Variants in GOLM2 observed in about 807,000 individuals in gnomAD.
GOLM2 encodes the protein golgi membrane protein 2, also known as protein GOLM2.
GOLM2 carries 26 observed loss-of-function variants against 55.9 expected under a neutral mutation model. That is an observed-to-expected ratio of 0.47 (90% CI 0.34 to 0.65). The LOEUF (loss-of-function observed/expected upper bound fraction) is 0.65, where lower values mean the gene tolerates loss of function less well. Ranked by LOEUF, GOLM2 falls within the 30% of genes least tolerant of loss-of-function variation. The pLI, the probability that GOLM2 is intolerant of heterozygous loss-of-function variation, is 0.01. For synonymous variants in GOLM2, 165 were observed against 194.6 expected (o/e 0.85, Z 1.27); for missense variants, 486 against 531.8 (o/e 0.91, Z 0.85).
chr15:44,362,836 A>G (rs2079251592), intron 6 of GOLM2, among the ~76,000 whole-genome samples: 1 of 152,234 alleles, frequency 6.6e-6, no homozygotes, highest in African/African-American at 2.4e-5. Context: ...TACTGATACC[A>G]AAACAGAGAT....
At chr15:44,409,194 G>T (rs528143645) in intron 9 of GOLM2, among the ~76,000 whole-genome samples, 12 of 151,160 alleles carry the variant, frequency 7.9e-5, no homozygotes, top group African/African-American at 1.9e-4. Context: ...TGAGGCAGGA[G>T]AATGGCGTGA....
chr15:44,315,963 A>G (rs2078906394), intron 1 of GOLM2, among the ~76,000 whole-genome samples: 1 of 152,222 alleles, frequency 6.6e-6, no homozygotes, highest in African/African-American at 2.4e-5. Context: ...ATGGGACATA[A>G]AAGTCTAGGG....
intron 6 of GOLM2, among the ~76,000 whole-genome samples, chr15:44,349,901 C>T (rs1014104326): frequency 1.3e-5 from 2 of 151,870 alleles, no homozygotes; most frequent in Non-Finnish European, 2.9e-5. Context: ...ACTAGTGGGT[C>T]GATGAAGAGA....
intron 6 of GOLM2, among the ~76,000 whole-genome samples, chr15:44,369,494 G>A (rs2079314861): frequency 6.6e-6 from 1 of 151,674 alleles, no homozygotes; most frequent in African/African-American, 2.4e-5. Context: ...ACAATAACTT[G>A]GTCTGTTTTG....
chr15:44,300,036 G>A (rs2078786368), intron 1 of GOLM2, among the ~76,000 whole-genome samples: 1 of 151,022 alleles, frequency 6.6e-6, no homozygotes, highest in African/African-American at 2.4e-5. Context: ...GGAGTTTGAA[G>A]CTGCAGGGAG....
At chr15:44,394,775 A>G (rs2079513689) in intron 8 of GOLM2, among the ~76,000 whole-genome samples, 1 of 152,212 alleles carries the variant, frequency 6.6e-6, no homozygotes, top group Non-Finnish European at 1.5e-5. Context: ...CCTTCAGGGT[A>G]CTTGAAATAG....
rs542962183 is a variant in GOLM2, at chr15:44,410,140, T to G, written c.1241-3196T>G. Among the ~76,000 whole-genome samples the G allele has an allele frequency of 6.0e-4, 91 of 151,836 alleles. 1 individual carries two copies. The Middle Eastern group carries it at 0.01, about 17-fold the overall frequency. On this transcript the variant is annotated intron_variant, in intron 9 of 9. Coordinates refer to ENST00000299957, the MANE Select transcript of GOLM2 (RefSeq NM_138423.4). Reference sequence around the variant, plus strand: ...GAGAGGTACCCGTGATTATTTTCCCTTTTAAAAACAAAGATAGGCTGGGCG... The same window carrying G: ...GAGAGGTACCCGTGATTATTTTCCCGTTTAAAAACAAAGATAGGCTGGGCG...
chr15:44,339,461 C>T (rs973261649), intron 6 of GOLM2, among the ~76,000 whole-genome samples: 5 of 152,032 alleles, frequency 3.3e-5, no homozygotes, highest in African/African-American at 1.2e-4. Flanking sequence ...GCCTCATCCT[C>T]CTGAGTAGCT....
At chr15:44,397,498 A>AAAAAC (rs1567043589) in intron 8 of GOLM2, among the ~76,000 whole-genome samples, 1 of 147,716 alleles carries the variant, frequency 6.8e-6, no homozygotes. Flanking sequence ...AAAAAAAAAA[A>AAAAAC]AAAACAAAAC....
chr15:44,413,195 T>G (rs929086445), intron 9 of GOLM2, 141 bp from the exon 10 acceptor site: 4 of 555,632 alleles, frequency 7.2e-6, no homozygotes, highest in African/African-American at 3.9e-5. Context: ...GCCAAGCAAC[T>G]AAGAAATAGA....
intron 6 of GOLM2, among the ~76,000 whole-genome samples, chr15:44,377,519 T>C (rs1348042670): frequency 6.6e-6 from 1 of 152,134 alleles, no homozygotes; most frequent in Non-Finnish European, 1.5e-5. Flanking sequence ...TACAGGCGTG[T>C]GCCACCACGC....
At chr15:44,319,176 T>G (rs1398702827) in intron 1 of GOLM2, among the ~76,000 whole-genome samples, 1 of 152,182 alleles carries the variant, frequency 6.6e-6, no homozygotes, top group African/African-American at 2.4e-5. Flanking sequence ...AGTAAGCTCC[T>G]TGAGTACATA....
Position 44,343,316 on chromosome 15 carries a change from GA to G in GOLM2, c.802+5014del, listed in dbSNP as rs200034292. ...CCTCTGCACTCCAACCTGGAAGACA[GA>G]AAAAAAAAAAAAAACCAACTTAGTT... On this transcript the variant is annotated intron_variant, in intron 6 of 9. Transcript: ENST00000299957. Among the ~76,000 whole-genome samples, 374 of 105,236 alleles carry G rather than the reference GA, an allele frequency of 3.6e-3. 2 individuals carry two copies. The highest frequency in any genetic ancestry group is 0.01 in the African/African-American group (285 of 28,070). The allele number at this position is 105,236 out of a possible 152,430, so 69.0% of individuals were successfully genotyped here. A position where few individuals can be genotyped will look rare whatever the true frequency, so the allele number is the denominator to read the frequency against.
chr15:44,351,378 C>T (rs2079161618), intron 6 of GOLM2, among the ~76,000 whole-genome samples: 1 of 151,686 alleles, frequency 6.6e-6, no homozygotes, highest in Admixed American at 6.6e-5. Flanking sequence ...AGATAGAGAC[C>T]ATCCTGGCTA....
chr15:44,367,182 C>T (rs1428906385), intron 6 of GOLM2, among the ~76,000 whole-genome samples: 1 of 150,194 alleles, frequency 6.7e-6, no homozygotes, highest in Non-Finnish European at 1.5e-5. Flanking sequence ...TGAGTAAGGC[C>T]CACAGCCTGA....
chr15:44,351,905 G>A (rs2079167630), intron 6 of GOLM2, among the ~76,000 whole-genome samples: 1 of 152,040 alleles, frequency 6.6e-6, no homozygotes, highest in African/African-American at 2.4e-5. Flanking sequence ...GTAAAACATT[G>A]GTGAAAGAAA....
intron 3 of GOLM2, among the ~76,000 whole-genome samples, chr15:44,329,556 C>T (rs922367794): frequency 2.0e-5 from 3 of 152,158 alleles, no homozygotes; most frequent in African/African-American, 4.8e-5. Flanking sequence ...CTTCTTTAGT[C>T]TCTTCCAATT....
chr15:44,333,154 G>C (rs142393899), intron 4 of GOLM2, among the ~76,000 whole-genome samples: 1 of 152,094 alleles, frequency 6.6e-6, no homozygotes. Flanking sequence ...GGATGGTCTC[G>C]ATCTCTTGAC....
chr15:44,328,544 T>C, intron 2 of GOLM2, 141 bp from the exon 3 acceptor site: 1 of 561,500 alleles, frequency 1.8e-6, no homozygotes, highest in Non-Finnish European at 3.1e-6. Context: ...ATGTGGTGTT[T>C]GTTATATAAT....
Sources: allele counts gnomAD v4.1 joint callset (sites outside exome capture counted in the v4.1 genomes callset), GRCh38; gene constraint gnomAD v4.1.1; transcripts MANE v1.5; gene names NCBI Gene and HGNC (gene_info 2026-07-23, HGNC 2026-07-21).